The following RAD9B variants were observed in gnomAD, a reference collection of about 807,000 sequenced individuals.
RAD9B encodes the protein RAD9 checkpoint clamp component B, also known as cell cycle checkpoint control protein RAD9B.
A neutral mutation model predicts 48.3 loss-of-function variants in RAD9B; 41 were observed. The observed-to-expected ratio is 0.85, with a 90% CI of 0.66 to 1.10. RAD9B has a LOEUF of 1.10. Among genes scored for constraint, RAD9B ranks in the 50% least tolerant of loss-of-function variants. The pLI is 0.00. For synonymous variants in RAD9B, 160 were observed against 157.9 expected, an observed-to-expected ratio of 1.01 and a Z score of -0.10; for missense variants, 444 against 485.1, an observed-to-expected ratio of 0.92 and a Z score of 0.80.
chr12:110,531,439 A>C lies in RAD9B; in HGVS notation c.*786A>C, dbSNP rs2064134043. The C allele has an allele frequency of 1.6e-6, 1 of 634,614 alleles. No homozygotes were observed. Among genetic ancestry groups the C allele is most frequent in the Non-Finnish European group, 2.7e-6 (1 of 369,434 alleles). 39.3% of individuals were successfully genotyped at this position (634,614 alleles called of 1,614,324 possible). The stretch of plus-strand genomic sequence containing the variant: ...ACTCCTGGCCTCAAGTGATCTGCCC[A>C]CCTCGGCCTCCCAAAGTGCTGGGAT... On this transcript the variant is annotated 3_prime_UTR_variant, in exon 11 of 11. Transcript: ENST00000409300.
chr12:110,531,693 A>G lies in RAD9B; in HGVS notation c.*1040A>G. ...TTGGAGTGGAATAAGGTGGAAGACA[A>G]ATGTCTCTGTTCTTTGGCCCTTTAA... On this transcript the variant is annotated 3_prime_UTR_variant, in exon 11 of 11. Transcript: ENST00000409300. The G allele has an allele frequency of 6.6e-7, 1 of 1,512,258 alleles. No homozygotes were observed. 93.7% of individuals were successfully genotyped at this position (1,512,258 alleles called of 1,614,324 possible). A position where few individuals can be genotyped will look rare whatever the true frequency, so the allele number is the denominator to read the frequency against.
rs536402908 is a variant in RAD9B, at chr12:110,508,615, GTTGTTT to G, written c.388+1934_388+1939del. Among the ~76,000 whole-genome samples, 208 of 152,214 alleles carry G rather than the reference GTTGTTT, an allele frequency of 1.4e-3. 1 individual carries two copies. The highest frequency in any genetic ancestry group is 4.8e-3 in the African/African-American group (199 of 41,548). ...AATTCAAAATTAAGTCACAGGCATG[GTTGTTT>G]TTGTTTTTGTTCTTAATTTTTGTAG... is the stretch of plus-strand genomic sequence containing the variant. On this transcript the variant is annotated intron_variant, in intron 4 of 10. Transcript: ENST00000409300.
chr12:110,530,844 T>C lies in RAD9B; in HGVS notation c.*191T>C. ...AGCTGTTTGTCAAGTGTATGTAACT[T>C]GCTTTAAATCCATTATGCTACTTGT... On this transcript the variant is annotated 3_prime_UTR_variant, in exon 11 of 11. Transcript: ENST00000409300. The C allele has an allele frequency of 2.2e-6, 3 of 1,362,320 alleles. No individual in the cohort carries two copies. The highest frequency in any genetic ancestry group is 2.8e-6 in the Non-Finnish European group (3 of 1,056,496). 84.4% of individuals were successfully genotyped at this position (1,362,320 alleles called of 1,614,324 possible).
chr12:110,513,814 C>G (rs1166956553), intron 5 of RAD9B, among the ~76,000 whole-genome samples: 1 of 151,618 alleles, frequency 6.6e-6, no homozygotes. Flanking sequence ...ACCTCCACCT[C>G]CTGGGTTCAA....
chr12:110,518,749 C>A lies in RAD9B; in HGVS notation c.669C>A (p.Asp223Glu). The A allele has an allele frequency of 3.1e-6, 5 of 1,609,898 alleles. No homozygotes were observed. Among genetic ancestry groups the A allele is most frequent in the Non-Finnish European group, 4.2e-6 (5 of 1,176,774 alleles). Residue 223 changes from aspartate (D) to glutamate (E), a missense_variant, in exon 7 of 11, where the codon GAC becomes GAA. Asp to Glu is a conservative substitution (Grantham distance 45). Transcript: ENST00000409300. Reference protein sequence around the residue: ...DEFDFFQIGMDTEITFCFKEL... With the variant: ...DEFDFFQIGMETEITFCFKEL... ...TTGACTTCTTTCAAATTGGAATGGA[C>A]ACTGAGATAACATTTTGTTTCAAAG...
chr12:110,503,388 T>C (rs1474251442), intron 1 of RAD9B: 11 of 169,298 alleles, frequency 6.5e-5, no homozygotes, highest in Admixed American at 5.2e-4. Context: ...CCCTAATTTC[T>C]CTCTCATGAC....
intron 4 of RAD9B, among the ~76,000 whole-genome samples, chr12:110,510,412 C>T (rs996392846): frequency 2.0e-5 from 3 of 152,124 alleles, no homozygotes; most frequent in African/African-American, 4.8e-5. Context: ...GAATTTCACC[C>T]GGCCTTAGAT....
At chr12:110,526,652 G>T (rs965636353) in intron 10 of RAD9B, among the ~76,000 whole-genome samples, 56 of 151,866 alleles carry the variant, frequency 3.7e-4, no homozygotes, top group African/African-American at 1.3e-3. Flanking sequence ...GCTCATGCCT[G>T]TAATCCCAGC....
rs2064129807 is a variant in RAD9B at position 110,531,297 on chromosome 12, A to T, written c.*644A>T. On this transcript the variant is annotated 3_prime_UTR_variant, in exon 11 of 11. Coordinates refer to ENST00000409300, the MANE Select transcript of RAD9B (RefSeq NM_001286535.2). ...AACATCTGCCTCCCAGGTCCAAGCG[A>T]TTCTCCTGCCTCAGCCTCCCGTGCA... 2.2e-6 allele frequency: 1 copy of T among 457,138 alleles called. No individual in the cohort carries two copies. The highest frequency in any genetic ancestry group is 1.0e-4 in the East Asian group (1 of 9,666). 28.3% of individuals were successfully genotyped at this position (457,138 alleles called of 1,614,324 possible). A position where few individuals can be genotyped will look rare whatever the true frequency, so the allele number is the denominator to read the frequency against.
Position 110,530,654 on chromosome 12 carries a change from T to A in RAD9B, c.*1T>A. The stretch of plus-strand genomic sequence containing the variant: ...TAATGGCAGTTTCTCTATATTCTAA[T>A]GCTTAATGATGGCTGAGCTGGGCCC... On this transcript the variant is annotated 3_prime_UTR_variant, in exon 11 of 11. Transcript: ENST00000409300. The A allele has an allele frequency of 1.2e-6, 2 of 1,613,810 alleles. No homozygotes were observed. Among genetic ancestry groups the A allele is most frequent in the Non-Finnish European group, 1.7e-6 (2 of 1,179,734 alleles).
intron 2 of RAD9B, among the ~76,000 whole-genome samples, chr12:110,504,989 G>C (rs2063219756): frequency 6.6e-6 from 1 of 151,994 alleles, no homozygotes; most frequent in South Asian, 2.1e-4. Context: ...CTGGCCAACA[G>C]GCTGGTTTTT....
intron 10 of RAD9B, among the ~76,000 whole-genome samples, chr12:110,525,009 G>A (rs1300890471): frequency 6.6e-6 from 1 of 151,752 alleles, no homozygotes; most frequent in Non-Finnish European, 1.5e-5. Context: ...GTTTTTTTTA[G>A]ACGGAGTTTC....
At chr12:110,511,561 C>T in intron 4 of RAD9B, 1 of 429,500 alleles carries the variant, frequency 2.3e-6, no homozygotes, top group Non-Finnish European at 4.7e-6. Flanking sequence ...TGGTAGATAC[C>T]AGAGGCTGGT....
chr12:110,517,943 C>T (rs2063658642), intron 6 of RAD9B, among the ~76,000 whole-genome samples: 1 of 152,120 alleles, frequency 6.6e-6, no homozygotes, highest in Admixed American at 6.5e-5. Flanking sequence ...AATCCCAGTA[C>T]TTTGGGAGGC....
rs115561888 is a variant in RAD9B at position 110,505,645 on chromosome 12, G to A, written c.146G>A (p.Arg49Gln). ...GCTCTAAGATGTGTGAATTCTTCTC[G>A]GTCAGCATATGGATGTGTCCTGTTC... is the stretch of plus-strand genomic sequence containing the variant. ...GLALRCVNSSRSAYGCVLFSP... is the reference protein window; with the variant it reads ...GLALRCVNSSQSAYGCVLFSP... The change falls in exon 3 of 11, where the codon CGG becomes CAG. Residue 49 changes from arginine to glutamine, a missense_variant. Transcript: ENST00000409300. The A allele has an allele frequency of 1.1e-5, 17 of 1,563,444 alleles. No individual in the cohort carries two copies. In the African/African-American group the frequency reaches 1.2e-4, roughly 11 times the overall value.
In RAD9B at chr12:110,515,037, T is replaced by C. The variant is rs76219615; in HGVS notation, c.489-13T>C. ...TTTCAAATAATGTTAATACTGTTCT[T>C]TACATTTTATAGATTGCTTGCTGAT... is the stretch of plus-strand genomic sequence containing the variant. On this transcript the variant is annotated splice_polypyrimidine_tract_variant and intron_variant, in intron 5 of 10. Transcript: ENST00000409300. 9,647 of 1,488,166 alleles carry C rather than the reference T, an allele frequency of 6.5e-3. 39 individuals are homozygous for C. Among genetic ancestry groups the C allele is most frequent in the Non-Finnish European group, 7.4e-3 (8,015 of 1,090,102 alleles). The allele number at this position is 1,488,166 out of a possible 1,614,324, so 92.2% of individuals were successfully genotyped here. A position where few individuals can be genotyped will look rare whatever the true frequency, so the allele number is the denominator to read the frequency against.
At chr12:110,512,293 C>A (rs182236320) in intron 4 of RAD9B, among the ~76,000 whole-genome samples, 2 of 152,178 alleles carry the variant, frequency 1.3e-5, no homozygotes, top group African/African-American at 2.4e-5. Flanking sequence ...GGATTACAGG[C>A]ATGCACCACC....
chr12:110,525,080 G>C (rs2063895260), intron 10 of RAD9B, among the ~76,000 whole-genome samples: 1 of 151,928 alleles, frequency 6.6e-6, no homozygotes. Context: ...CCACCTCCCG[G>C]GTTCAAGTGA....
At chr12:110,512,949 C>A in intron 5 of RAD9B, 71 bp downstream of exon 5, 2 of 744,994 alleles carry the variant, frequency 2.7e-6, no homozygotes, top group Non-Finnish European at 4.5e-6. Context: ...AATCAATGCC[C>A]TAGAGCTTTT....
Sources: gnomAD v4.1 joint callset for allele counts (sites outside exome capture counted in the v4.1 genomes callset) on GRCh38, gnomAD v4.1.1 for gene constraint, MANE v1.5 for transcripts, NCBI Gene and HGNC (gene_info 2026-07-23, HGNC 2026-07-21) for gene names.